Variants in ST6GAL2 observed in about 807,000 individuals in gnomAD.
ST6GAL2 encodes the protein ST6 beta-galactoside alpha-2,6-sialyltransferase 2.
ST6GAL2 carries 24 observed loss-of-function variants against 37.5 expected under a neutral mutation model. The ratio of observed to expected loss-of-function variants is 0.64; its 90% CI spans 0.46 to 0.90. The LOEUF (loss-of-function observed/expected upper bound fraction) is 0.90. Among genes scored for constraint, ST6GAL2 ranks in the 40% least tolerant of loss-of-function variants. The pLI is 0.00. For missense variants in ST6GAL2, 715 were observed against 712.7 expected (o/e 1.00, Z -0.04); for synonymous variants, 306 against 295.1 (o/e 1.04, Z -0.38).
At chr2:106,832,525 G>A in intron 4 of ST6GAL2, 40 bp downstream of exon 4, 2 of 1,060,866 alleles carry the variant, frequency 1.9e-6, no homozygotes, top group Non-Finnish European at 2.8e-6. Context: ...CAAAGCCATT[G>A]TCTGACCGTT....
In ST6GAL2 at chr2:106,804,963, C is replaced by G. The variant is rs144147322; in HGVS notation, c.*1715G>C. On this transcript the variant is annotated 3_prime_UTR_variant, in exon 6 of 6. Transcript: ENST00000409382. Reference sequence around the variant, plus strand: ...CTATCCCTTCTCATTGACTTAATAACAAAACTCTCAAAATGGGCTTTTATT... The same window carrying G: ...CTATCCCTTCTCATTGACTTAATAAGAAAACTCTCAAAATGGGCTTTTATT... 6.6e-6 allele frequency: 1 copy of G among 151,186 alleles called. No homozygotes were observed. The highest frequency in any genetic ancestry group is 2.4e-5 in the African/African-American group (1 of 41,196). 9.4% of individuals were successfully genotyped at this position (151,186 alleles called of 1,614,324 possible).
In ST6GAL2 at chr2:106,830,228, G is replaced by T. The variant is rs1411040733; in HGVS notation, c.1156C>A (p.Pro386Thr). The change falls in exon 5 of 6, where the codon CCG becomes ACG. Residue 386 changes from proline (P) to threonine (T), a missense_variant. Around this residue, in one of 3 missense-constraint regions of ST6GAL2, gnomAD observed 198 missense variants for 203.6 expected, o/e 0.97. Transcript: ENST00000409382. ...SANLNLWYKK[P>T]DYNLFTPYIQ... Reference sequence around the variant, plus strand: ...TATGGAGTGAACAGGTTGTAATCCGGTTTTTTGTACCACTAAGGAAAAAAA... The same window carrying T: ...TATGGAGTGAACAGGTTGTAATCCGTTTTTTTGTACCACTAAGGAAAAAAA... 1 of 1,609,078 alleles carries T rather than the reference G, an allele frequency of 6.2e-7. No homozygotes were observed. The highest frequency in any genetic ancestry group is 1.1e-5 in the South Asian group (1 of 90,536).
At chr2:106,807,876 G>A (rs535270762) in intron 5 of ST6GAL2, among the ~76,000 whole-genome samples, 2 of 151,800 alleles carry the variant, frequency 1.3e-5, no homozygotes, top group African/African-American at 2.4e-5. Flanking sequence ...CCCCCACCTC[G>A]GCCTCTCAAA....
chr2:106,849,021 G>C (rs1281503348), intron 1 of ST6GAL2, among the ~76,000 whole-genome samples: 2 of 152,194 alleles, frequency 1.3e-5, no homozygotes, highest in Non-Finnish European at 2.9e-5. Flanking sequence ...CTGTGATTCT[G>C]CTGGAACTTC....
At chr2:106,878,072 C>G (rs1352344538) in intron 1 of ST6GAL2, among the ~76,000 whole-genome samples, 9 of 152,256 alleles carry the variant, frequency 5.9e-5, no homozygotes, top group Non-Finnish European at 1.2e-4. Flanking sequence ...AGTTAACCCT[C>G]TGCATCCGCA....
chr2:106,879,270 GT>G (rs1678642890), intron 1 of ST6GAL2, among the ~76,000 whole-genome samples: 1 of 152,158 alleles, frequency 6.6e-6, no homozygotes, highest in Admixed American at 6.5e-5. Context: ...AGCATGATGT[GT>G]TTTAACTCTG....
At chr2:106,820,137 G>A (rs2104438663) in intron 5 of ST6GAL2, among the ~76,000 whole-genome samples, 1 of 152,172 alleles carries the variant, frequency 6.6e-6, no homozygotes, top group Non-Finnish European at 1.5e-5. Context: ...AACACTGAAT[G>A]TAAATGGCCT....
At chr2:106,884,932 T>TATATATATATATATATATAC (rs1678908337) in intron 1 of ST6GAL2, among the ~76,000 whole-genome samples, 3 of 115,466 alleles carry the variant, frequency 2.6e-5, no homozygotes, top group Non-Finnish European at 5.0e-5. Context: ...TATATATATA[T>TATATATATATATATATATAC]ATACATACAC....
chr2:106,801,942 CAAG>C lies in ST6GAL2; in HGVS notation c.*4733_*4735del, dbSNP rs1433210326. On this transcript the variant is annotated 3_prime_UTR_variant, in exon 6 of 6. Transcript: ENST00000409382. ...ATTTCTTTGTTTCCAATCTACCTAG[CAAG>C]AAGACTATTTTCCATAGAACCAGTA... 2.0e-5 allele frequency: 3 copies of C among 152,190 alleles called. No homozygotes were observed. The highest frequency in any genetic ancestry group is 2.9e-5 in the Non-Finnish European group (2 of 68,038). 9.4% of individuals were successfully genotyped at this position (152,190 alleles called of 1,614,324 possible). A position where few individuals can be genotyped will look rare whatever the true frequency, so the allele number is the denominator to read the frequency against.
chr2:106,866,962 G>A (rs1243389668), intron 1 of ST6GAL2, among the ~76,000 whole-genome samples: 1 of 152,064 alleles, frequency 6.6e-6, no homozygotes, highest in Admixed American at 6.5e-5. Context: ...CATTGCACGA[G>A]TTAACAATAA....
chr2:106,804,972 C>G lies in ST6GAL2; in HGVS notation c.*1706G>C, dbSNP rs575272831. On this transcript the variant is annotated 3_prime_UTR_variant, in exon 6 of 6. Coordinates refer to ENST00000409382, the MANE Select transcript of ST6GAL2 (RefSeq NM_001142351.2). ...CTCATTGACTTAATAACAAAACTCT[C>G]AAAATGGGCTTTTATTGGATATTAT... The G allele has an allele frequency of 6.6e-6, 1 of 152,104 alleles. No individual in the cohort carries two copies. Among genetic ancestry groups the G allele is most frequent in the East Asian group, 1.9e-4 (1 of 5,180 alleles). The allele number at this position is 152,104 out of a possible 1,614,324, so 9.4% of individuals were successfully genotyped here.
At chr2:106,876,015 A>AATGC (rs1302018953) in intron 1 of ST6GAL2, among the ~76,000 whole-genome samples, 1 of 152,178 alleles carries the variant, frequency 6.6e-6, no homozygotes, top group Non-Finnish European at 1.5e-5. Flanking sequence ...CCCAGGCTGA[A>AATGC]ATGCACTGGA....
intron 5 of ST6GAL2, among the ~76,000 whole-genome samples, chr2:106,821,670 A>C (rs1676008172): frequency 6.6e-6 from 1 of 151,814 alleles, no homozygotes; most frequent in Admixed American, 6.6e-5. Context: ...CTCATTCTAC[A>C]AGCCGTCCTG....
intron 5 of ST6GAL2, among the ~76,000 whole-genome samples, chr2:106,807,853 T>C (rs1315854985): frequency 6.6e-6 from 1 of 152,122 alleles, no homozygotes; most frequent in Non-Finnish European, 1.5e-5. Flanking sequence ...CTCAATCTCC[T>C]GACCTCCTGC....
chr2:106,843,025 T>C lies in ST6GAL2; in HGVS notation c.943+10A>G. 1.4e-6 allele frequency: 2 copies of C among 1,392,118 alleles called. No individual in the cohort carries two copies. Among genetic ancestry groups the C allele is most frequent in the Non-Finnish European group, 1.9e-6 (2 of 1,069,948 alleles). The allele number at this position is 1,392,118 out of a possible 1,614,324, so 86.2% of individuals were successfully genotyped here. A position where few individuals can be genotyped will look rare whatever the true frequency, so the allele number is the denominator to read the frequency against. On this transcript the variant is annotated intron_variant, in intron 2 of 5. Coordinates refer to ENST00000409382, the MANE Select transcript of ST6GAL2 (RefSeq NM_001142351.2). The stretch of plus-strand genomic sequence containing the variant: ...AGACAGGGCGACCTGGTCCCCCCGC[T>C]GAGACCTACCTATTTCCTCGCCCAA...
chr2:106,884,506 G>A (rs1451498965), intron 1 of ST6GAL2, among the ~76,000 whole-genome samples: 1 of 151,980 alleles, frequency 6.6e-6, no homozygotes, highest in African/African-American at 2.4e-5. Flanking sequence ...CTAAACTGTG[G>A]AGCTCAGTAC....
rs575253861 is a variant in ST6GAL2, at chr2:106,804,469, C to T, written c.*2209G>A. On this transcript the variant is annotated 3_prime_UTR_variant, in exon 6 of 6. Coordinates refer to ENST00000409382, the MANE Select transcript of ST6GAL2 (RefSeq NM_001142351.2). ...AGTAATATTCATCCACCACAGCCAC[C>T]TCACCCACATTCCAGAGTTGCTGAA... is the stretch of plus-strand genomic sequence containing the variant. The T allele has an allele frequency of 6.6e-6, 1 of 152,332 alleles. No homozygotes were observed. The highest frequency in any genetic ancestry group is 2.4e-5 in the African/African-American group (1 of 41,554). 9.4% of individuals were successfully genotyped at this position (152,332 alleles called of 1,614,324 possible).
intron 1 of ST6GAL2, among the ~76,000 whole-genome samples, chr2:106,852,508 G>A (rs945672138): frequency 6.6e-6 from 1 of 152,240 alleles, no homozygotes; most frequent in African/African-American, 2.4e-5. Flanking sequence ...GTTCCCGAAG[G>A]TGGGGACTAC....
chr2:106,820,433 A>C (rs1404258566), intron 5 of ST6GAL2, among the ~76,000 whole-genome samples: 1 of 152,078 alleles, frequency 6.6e-6, no homozygotes, highest in Non-Finnish European at 1.5e-5. Flanking sequence ...AAGATATAGC[A>C]ATTGTAAATA....
Sources: gnomAD v4.1 joint callset for allele counts (sites outside exome capture counted in the v4.1 genomes callset) on GRCh38, gnomAD v4.1.1 for gene constraint, gnomAD v4.1.1 regional missense constraint, MANE v1.5 for transcripts, NCBI Gene and HGNC (gene_info 2026-07-23, HGNC 2026-07-21) for gene names.